The following GALNS variants were observed in gnomAD, a reference collection of about 807,000 sequenced individuals.
GALNS encodes the protein N-acetylgalactosamine-6-sulfatase.
Under a neutral mutation model 65.9 loss-of-function variants are expected in GALNS, and 65 were observed. The observed-to-expected ratio is 0.99, with a 90% CI of 0.81 to 1.21. GALNS has a LOEUF of 1.21. GALNS is among the 50% of genes most tolerant of loss of function. GALNS has a pLI of 0.00. For synonymous variants in GALNS, 346 were observed against 288.9 expected (o/e 1.20, Z -2.00); for missense variants, 776 against 700.7 (o/e 1.11, Z -1.21).
At position 88,854,774 on chromosome 16, in the gene GALNS, G is replaced by A. The variant is rs759707970; in HGVS notation, c.120+1984C>T. On this transcript the variant is annotated intron_variant, in intron 1 of 13. Coordinates refer to ENST00000268695, the MANE Select transcript of GALNS (RefSeq NM_000512.5). ...ACTCGCCAGGCGGCCCTGGTCTGTC[G>A]ACTCAGGAGGGCCAGGGAATCCCCA... Among the ~76,000 whole-genome samples the A allele has an allele frequency of 5.3e-5, 8 of 152,244 alleles. No homozygotes were observed. The East Asian group carries it at 5.8e-4, about 11-fold the overall frequency.
At chr16:88,832,602 C>T (rs1911624947) in intron 8 of GALNS, among the ~76,000 whole-genome samples, 2 of 152,148 alleles carry the variant, frequency 1.3e-5, no homozygotes, top group Admixed American at 1.3e-4. Flanking sequence ...GGGAAGTGGT[C>T]ACGGGGCAAA....
At position 88,837,773 on chromosome 16, in the gene GALNS, C is replaced by A. The variant is rs111613055; in HGVS notation, c.423-8G>T. Reference sequence around the variant, plus strand: ...GGCCTGTGACCCAGATGCCTGGAAACAGGAACCCAGGACACTTCAGGGACC... The same window carrying A: ...GGCCTGTGACCCAGATGCCTGGAAAAAGGAACCCAGGACACTTCAGGGACC... On this transcript the variant is annotated splice_region_variant and splice_polypyrimidine_tract_variant and intron_variant, in intron 4 of 13. Transcript: ENST00000268695. 2.5e-6 allele frequency: 4 copies of A among 1,613,862 alleles called. No individual in the cohort carries two copies. In the African/African-American group the frequency reaches 4.0e-5, roughly 16 times the overall value.
chr16:88,831,963 C>T lies in GALNS; in HGVS notation c.1002+35G>A, dbSNP rs762219576. ...ACCCTGGGATGGCTGCAGGCCTGGA[C>T]CTGCTGCCCGGCAGACCGGTGGACG... is the stretch of plus-strand genomic sequence containing the variant. On this transcript the variant is annotated intron_variant, in intron 9 of 13. Transcript: ENST00000268695. 3.1e-6 allele frequency: 5 copies of T among 1,587,620 alleles called. No individual in the cohort carries two copies. In the South Asian group the frequency reaches 4.4e-5, roughly 14 times the overall value.
chr16:88,841,151 C>T lies in GALNS; in HGVS notation c.320-57G>A, dbSNP rs1009554588. On this transcript the variant is annotated intron_variant, in intron 3 of 13. Coordinates refer to ENST00000268695, the MANE Select transcript of GALNS (RefSeq NM_000512.5). ...AGACCCCGAGAAGCTGCCACCAACC[C>T]CATCCTAACAGGACACTGGGGGCTG... 3.7e-6 allele frequency: 5 copies of T among 1,352,470 alleles called. No individual in the cohort carries two copies. In the African/African-American group the frequency reaches 4.3e-5, roughly 12 times the overall value. The allele number at this position is 1,352,470 out of a possible 1,614,324, so 83.8% of individuals were successfully genotyped here.
chr16:88,845,975 G>A (rs1967225616), intron 1 of GALNS, among the ~76,000 whole-genome samples: 1 of 152,190 alleles, frequency 6.6e-6, no homozygotes, highest in Non-Finnish European at 1.5e-5. Context: ...GCAACAGGGT[G>A]AGACACTCTC....
intron 12 of GALNS, 152 bp from the exon 13 acceptor site, chr16:88,818,276 CGGGCCTCGCTAGGACAGGCA>C (rs1272447397): frequency 5.7e-6 from 4 of 707,618 alleles, no homozygotes; most frequent in Non-Finnish European, 1.0e-5. Flanking sequence ...GCAGCGGCCC[CGGGCCTCGCTAGGACAGGCA>C]GCAGGCACCC....
At chr16:88,839,140 G>T (rs1199311307) in intron 4 of GALNS, among the ~76,000 whole-genome samples, 5 of 151,602 alleles carry the variant, frequency 3.3e-5, no homozygotes. Context: ...CAACCACAGG[G>T]GACACTCGTG....
chr16:88,855,315 T>C (rs888036430), intron 1 of GALNS: 1 of 700,422 alleles, frequency 1.4e-6, no homozygotes, highest in Non-Finnish European at 2.6e-6. Flanking sequence ...GAAGCTATGC[T>C]GGCCCAGAAG....
intron 13 of GALNS, chr16:88,817,516 CCA>C (rs749743382): frequency 4.1e-4 from 404 of 985,338 alleles, no homozygotes; most frequent in Non-Finnish European, 4.5e-4. Flanking sequence ...GGGGCCGCCG[CCA>C]CTCAACAGTG....
Position 88,856,746 on chromosome 16 carries a change from G to T in GALNS, c.120+12C>A. On this transcript the variant is annotated intron_variant, in intron 1 of 13. Coordinates refer to ENST00000268695, the MANE Select transcript of GALNS (RefSeq NM_000512.5). ...CACCCCGGCCCTGCCCCGTCCCACC[G>T]CCCGCACTCACGTCGTCCATGAGCA... The T allele has an allele frequency of 3.2e-6, 3 of 924,248 alleles. No homozygotes were observed. Among genetic ancestry groups the T allele is most frequent in the African/African-American group, 3.7e-5 (2 of 53,634 alleles). 57.3% of individuals were successfully genotyped at this position (924,248 alleles called of 1,614,324 possible).
intron 13 of GALNS, chr16:88,816,827 G>A (rs1909678045): frequency 1.0e-6 from 1 of 985,360 alleles, no homozygotes; most frequent in Admixed American, 6.1e-5. Flanking sequence ...CAGGAGCCCA[G>A]GCTGAAGTCT....
intron 13 of GALNS, chr16:88,815,200 G>A: frequency 1.0e-6 from 1 of 985,466 alleles, no homozygotes; most frequent in Non-Finnish European, 1.2e-6. Context: ...AGCTCTGAAG[G>A]CTGCCATTGG....
chr16:88,823,900 C>G (rs1910525567), intron 11 of GALNS, among the ~76,000 whole-genome samples: 1 of 152,176 alleles, frequency 6.6e-6, no homozygotes, highest in African/African-American at 2.4e-5. Context: ...TTGCAGGTGA[C>G]AGTGCTGGGT....
At chr16:88,824,957 G>C (rs1910653264) in intron 10 of GALNS, 88 bp from the exon 11 acceptor site, 1 of 1,012,374 alleles carries the variant, frequency 9.9e-7, no homozygotes, top group Non-Finnish European at 1.5e-6. Flanking sequence ...GTCATCAGTG[G>C]CTCATGCCTC....
In GALNS at chr16:88,818,033, GCTGGGGCTGCGCGGGGACCAAGGCCTC is replaced by G. The variant is rs1909818289; in HGVS notation, c.1429_1455del (p.Glu477_Gln485del). The G allele has an allele frequency of 6.3e-7, 1 of 1,582,566 alleles. No homozygotes were observed. Among genetic ancestry groups the G allele is most frequent in the East Asian group, 2.3e-5 (1 of 43,330 alleles). On this transcript the variant is annotated inframe_deletion, in exon 13 of 14. Coordinates refer to ENST00000268695, the MANE Select transcript of GALNS (RefSeq NM_000512.5). The stretch of plus-strand genomic sequence containing the variant: ...ATGACCGCCCAGTTGCACACGTTGA[GCTGGGGCTGCGCGGGGACCAAGGCCTC>G]CTGGTGCTGCTGGACGACCGAGGTG...
intron 13 of GALNS, among the ~76,000 whole-genome samples, 158 bp downstream of exon 13, chr16:88,817,849 C>T (rs1483472537): frequency 6.6e-6 from 1 of 152,174 alleles, no homozygotes; most frequent in Non-Finnish European, 1.5e-5. Flanking sequence ...GAATCCCGGA[C>T]GCCGCCGCGT....
intron 4 of GALNS, among the ~76,000 whole-genome samples, chr16:88,839,434 G>A (rs1217691245): frequency 6.6e-6 from 1 of 152,272 alleles, no homozygotes; most frequent in Non-Finnish European, 1.5e-5. Context: ...AAGCAGCAGT[G>A]GGGCCTGGCA....
At chr16:88,821,217 C>G (rs905396390) in intron 12 of GALNS, among the ~76,000 whole-genome samples, 1 of 152,184 alleles carries the variant, frequency 6.6e-6, no homozygotes, top group Non-Finnish European at 1.5e-5. Context: ...GCTGTGCACC[C>G]CTGGAGGAAC....
At chr16:88,850,360 A>G (rs747022365) in intron 1 of GALNS, among the ~76,000 whole-genome samples, 1 of 152,184 alleles carries the variant, frequency 6.6e-6, no homozygotes, top group Admixed American at 6.6e-5. Context: ...GGCAGTCAGC[A>G]GAGCTGCGTC....
Sources: gnomAD v4.1 joint callset for allele counts (sites outside exome capture counted in the v4.1 genomes callset) on GRCh38, gnomAD v4.1.1 for gene constraint, MANE v1.5 for transcripts, NCBI Gene and HGNC (gene_info 2026-07-23, HGNC 2026-07-21) for gene names.